ABCC4: variants seen among roughly 807,000 people sequenced by gnomAD.
ABCC4 encodes ATP-binding cassette sub-family C member 4.
In ABCC4, 102 loss-of-function variants were observed where a neutral mutation model predicts 168.5. The ratio of observed to expected loss-of-function variants is 0.61; its 90% CI spans 0.52 to 0.71. The LOEUF (loss-of-function observed/expected upper bound fraction) is 0.71. ABCC4 is among the 30% of genes least tolerant of loss of function. The pLI is 0.00. For synonymous variants in ABCC4, 617 were observed against 590.7 expected (o/e 1.04, Z -0.65); for missense variants, 1,402 against 1,605.8 (o/e 0.87, Z 2.17).
Position 95,115,918 on chromosome 13 carries a change from T to C in ABCC4, c.2535+4A>G, listed in dbSNP as rs780841469. 10 of 1,609,714 alleles carry C rather than the reference T, an allele frequency of 6.2e-6. No homozygotes were observed. Among genetic ancestry groups the C allele is most frequent in the Non-Finnish European group, 8.5e-6 (10 of 1,177,670 alleles). On this transcript the variant is annotated splice_donor_region_variant and intron_variant, in intron 20 of 30. Coordinates refer to ENST00000645237, the MANE Select transcript of ABCC4 (RefSeq NM_005845.5). The stretch of plus-strand genomic sequence containing the variant: ...TGAGATCCTGACATTACTCTCAACG[T>C]TACCTGGATGAAATCTAAAAACGTC...
intron 1 of ABCC4, among the ~76,000 whole-genome samples, chr13:95,255,877 T>C (rs1052460377): frequency 3.9e-5 from 6 of 152,124 alleles, no homozygotes; most frequent in Admixed American, 1.3e-4. Context: ...CCTTCTTGTC[T>C]CCCTGTTCTC....
intron 21 of ABCC4, among the ~76,000 whole-genome samples, chr13:95,078,287 C>T (rs537204242): frequency 1.3e-5 from 2 of 152,282 alleles, no homozygotes; most frequent in East Asian, 3.9e-4. Context: ...TGGCGGGCGC[C>T]TGTAGTCCCA....
chr13:95,237,777 G>A (rs1430009362), intron 3 of ABCC4, among the ~76,000 whole-genome samples: 1 of 152,054 alleles, frequency 6.6e-6, no homozygotes, highest in African/African-American at 2.4e-5. Flanking sequence ...CACCATACCA[G>A]ATTGCATGGG....
At chr13:95,160,082 A>C (rs1271556790) in intron 19 of ABCC4, among the ~76,000 whole-genome samples, 1 of 152,240 alleles carries the variant, frequency 6.6e-6, no homozygotes, top group Non-Finnish European at 1.5e-5. Flanking sequence ...CAGAAAAATT[A>C]AGTAACTAGG....
intron 19 of ABCC4, among the ~76,000 whole-genome samples, chr13:95,135,661 G>A (rs989398278): frequency 2.6e-5 from 4 of 152,166 alleles, no homozygotes; most frequent in African/African-American, 9.6e-5. Context: ...CGATCCACCT[G>A]TCTCTGCCTC....
intron 4 of ABCC4, among the ~76,000 whole-genome samples, chr13:95,226,555 G>A (rs2039471745): frequency 6.6e-6 from 1 of 152,138 alleles, no homozygotes. Context: ...GCCCTGGGAA[G>A]CGAATGTGCT....
chr13:95,202,369 T>A (rs2038651980), intron 8 of ABCC4, among the ~76,000 whole-genome samples: 1 of 152,204 alleles, frequency 6.6e-6, no homozygotes, highest in Non-Finnish European at 1.5e-5. Flanking sequence ...GTGGGCCCTA[T>A]CAGTTCTGCT....
chr13:95,229,788 G>C (rs1462234552), intron 4 of ABCC4, among the ~76,000 whole-genome samples: 1 of 152,272 alleles, frequency 6.6e-6, no homozygotes, highest in South Asian at 2.1e-4. Context: ...GGTAGGCAAG[G>C]GCAAATGGGA....
At chr13:95,170,814 C>A (rs1040165478) in intron 13 of ABCC4, among the ~76,000 whole-genome samples, 186 bp from the exon 14 acceptor site, 1 of 152,118 alleles carries the variant, frequency 6.6e-6, no homozygotes, top group Non-Finnish European at 1.5e-5. Context: ...GCAGCAAATA[C>A]GAGCCTTGCT....
intron 11 of ABCC4, 57 bp downstream of exon 11, chr13:95,186,644 G>A (rs1240166608): frequency 1.3e-6 from 2 of 1,486,210 alleles, no homozygotes; most frequent in East Asian, 2.3e-5. Context: ...TGTTGTTCAA[G>A]TGAACACTAG....
At position 95,294,061 on chromosome 13, in the gene ABCC4, T is replaced by C. The variant is rs1051062917; in HGVS notation, c.74+7180A>G. Among the ~76,000 whole-genome samples the C allele has an allele frequency of 1.1e-4, 17 of 152,120 alleles. 1 individual carries two copies. Among genetic ancestry groups the C allele is most frequent in the African/African-American group, 4.1e-4 (17 of 41,502 alleles). On this transcript the variant is annotated intron_variant, in intron 1 of 30. Transcript: ENST00000645237. ...ACTGTATCGTGCAAATAATGCTAGC[T>C]ATTAAACAAGCCCTGATTCTCAATG...
At chr13:95,096,547 T>A (rs2034604370) in intron 20 of ABCC4, among the ~76,000 whole-genome samples, 1 of 152,124 alleles carries the variant, frequency 6.6e-6, no homozygotes, top group African/African-American at 2.4e-5. Flanking sequence ...GAGGAAATTG[T>A]TTTAAAAAGC....
rs193193941 is a variant in ABCC4, at chr13:95,032,480, A to T, written c.3870+2125T>A. Among the ~76,000 whole-genome samples the T allele has an allele frequency of 2.7e-3, 415 of 152,346 alleles. 2 individuals are homozygous for T. The highest frequency in any genetic ancestry group is 4.0e-3 in the Non-Finnish European group (273 of 68,030). On this transcript the variant is annotated intron_variant, in intron 30 of 30. Coordinates refer to ENST00000645237, the MANE Select transcript of ABCC4 (RefSeq NM_005845.5). ...AGCGTAATACTGTGCACACAAAGGC[A>T]TTTATAGAATCGTTTTGAGGATAAA... is the stretch of plus-strand genomic sequence containing the variant.
intron 30 of ABCC4, among the ~76,000 whole-genome samples, chr13:95,034,220 G>A (rs999428514): frequency 2.0e-5 from 3 of 152,188 alleles, no homozygotes; most frequent in Non-Finnish European, 2.9e-5. Context: ...TACCTCAACA[G>A]CATTTGCCTA....
chr13:95,083,324 ATCAAGTATT>A (rs1422416839), intron 20 of ABCC4, 34 bp from the exon 21 acceptor site: 1 of 1,606,880 alleles, frequency 6.2e-7, no homozygotes, highest in Non-Finnish European at 8.5e-7. Flanking sequence ...GGTTTTCCTT[ATCAAGTATT>A]CTTTTCAAAA....
intron 25 of ABCC4, among the ~76,000 whole-genome samples, chr13:95,063,216 A>C (rs1302182898): frequency 6.6e-6 from 1 of 152,228 alleles, no homozygotes; most frequent in Non-Finnish European, 1.5e-5. Flanking sequence ...AAAATAACAG[A>C]ATCTGTTTAC....
intron 8 of ABCC4, among the ~76,000 whole-genome samples, chr13:95,204,838 G>A (rs1434790027): frequency 6.6e-6 from 1 of 152,112 alleles, no homozygotes; most frequent in Non-Finnish European, 1.5e-5. Flanking sequence ...TCCTTCAATT[G>A]TGAGGATAAC....
At chr13:95,068,119 G>T (rs566520598) in intron 25 of ABCC4, among the ~76,000 whole-genome samples, 1 of 152,350 alleles carries the variant, frequency 6.6e-6, no homozygotes, top group African/African-American at 2.4e-5. Flanking sequence ...TTTCTGCTGT[G>T]TGGACACATT....
chr13:95,055,888 C>T (rs1165188053), intron 26 of ABCC4: 2 of 143,764 alleles, frequency 1.4e-5, no homozygotes, highest in Non-Finnish European at 3.1e-5. Flanking sequence ...CTCAAAACAA[C>T]AGCAACAACA....
Sources: allele counts gnomAD v4.1 joint callset (sites outside exome capture counted in the v4.1 genomes callset), GRCh38; gene constraint gnomAD v4.1.1; transcripts MANE v1.5; gene names NCBI Gene and HGNC (gene_info 2026-07-23, HGNC 2026-07-21).